TPGS2: variants seen among roughly 807,000 people sequenced by gnomAD.
TPGS2 encodes polyglutamylase subunit 2.
Under a neutral mutation model 31.1 loss-of-function variants are expected in TPGS2, and 26 were observed. The observed-to-expected ratio is 0.84, with a 90% CI of 0.61 to 1.16. The LOEUF is 1.16. TPGS2 is among the 50% of genes most tolerant of loss of function. The pLI is 0.00. For synonymous variants in TPGS2, 130 were observed against 136.6 expected (o/e 0.95, Z 0.34); for missense variants, 351 against 363.8 (o/e 0.96, Z 0.29).
At position 36,795,554 on chromosome 18, in the gene TPGS2, G is replaced by A. The variant is rs1218461021; in HGVS notation, c.*1251C>T. The A allele has an allele frequency of 1.6e-5, 16 of 985,456 alleles. No individual in the cohort carries two copies. Among genetic ancestry groups the A allele is most frequent in the Non-Finnish European group, 1.9e-5 (16 of 829,938 alleles). The allele number at this position is 985,456 out of a possible 1,614,324, so 61.0% of individuals were successfully genotyped here. On this transcript the variant is annotated 3_prime_UTR_variant, in exon 7 of 7. Coordinates refer to ENST00000334295, the MANE Select transcript of TPGS2 (RefSeq NM_015476.4). ...CTTGCTTCTGCCCACAGCCAGGACTGTAGAGGGAGGAAATAAATAGGCATT... is the reference window on the plus strand; with the variant it reads ...CTTGCTTCTGCCCACAGCCAGGACTATAGAGGGAGGAAATAAATAGGCATT...
downstream of TPGS2, chr18:36,780,073 T>C: frequency 3.6e-6 from 4 of 1,119,588 alleles, no homozygotes; most frequent in East Asian, 9.6e-5. Flanking sequence ...GAAACTTTTA[T>C]TCTTCTGGGA....
chr18:36,821,970 C>T (rs1323148808), intron 1 of TPGS2, among the ~76,000 whole-genome samples: 1 of 152,168 alleles, frequency 6.6e-6, no homozygotes, highest in Non-Finnish European at 1.5e-5. Context: ...TTCATAAAGC[C>T]TGGAAGAAGG....
At chr18:36,805,607 C>T in intron 3 of TPGS2, 105 bp from the exon 4 acceptor site, 1 of 1,459,222 alleles carries the variant, frequency 6.9e-7, no homozygotes, top group Non-Finnish European at 9.4e-7. Context: ...TTGTTTCGCC[C>T]CATGGCTGAC....
In TPGS2 at chr18:36,796,163, A is replaced by T; in HGVS notation, c.*642T>A. 3 of 985,430 alleles carry T rather than the reference A, an allele frequency of 3.0e-6. No homozygotes were observed. The highest frequency in any genetic ancestry group is 3.6e-6 in the Non-Finnish European group (3 of 829,938). 61.0% of individuals were successfully genotyped at this position (985,430 alleles called of 1,614,324 possible). A position where few individuals can be genotyped will look rare whatever the true frequency, so the allele number is the denominator to read the frequency against. On this transcript the variant is annotated 3_prime_UTR_variant, in exon 7 of 7. Transcript: ENST00000334295. Reference sequence around the variant, plus strand: ...GGATACAAAGAACATACAATTGTGTACTTGAGAGGTTTCATGGAACATTAT... The same window carrying T: ...GGATACAAAGAACATACAATTGTGTTCTTGAGAGGTTTCATGGAACATTAT...
At chr18:36,784,869 C>T (rs2044093696) in intron 6 of TPGS2, among the ~76,000 whole-genome samples, 1 of 152,104 alleles carries the variant, frequency 6.6e-6, no homozygotes, top group African/African-American at 2.4e-5. Flanking sequence ...TATCAATAGT[C>T]AGCTATGCTT....
chr18:36,824,230 T>C (rs1252892530), intron 1 of TPGS2, among the ~76,000 whole-genome samples: 1 of 152,240 alleles, frequency 6.6e-6, no homozygotes, highest in Non-Finnish European at 1.5e-5. Context: ...TTTTGTTATA[T>C]GGATATATCA....
downstream of TPGS2, among the ~76,000 whole-genome samples, chr18:36,780,412 G>A (rs2043979640): frequency 6.6e-6 from 1 of 152,154 alleles, no homozygotes; most frequent in Non-Finnish European, 1.5e-5. Flanking sequence ...GGCCTCTTAT[G>A]TCAAAATTCA....
chr18:36,794,755 T>C lies in TPGS2; in HGVS notation c.*2050A>G. ...TGAATTGTTGCACATTTATAAATCCTTGAAGTATAATAACCTAAACAACTA... is the reference window on the plus strand; with the variant it reads ...TGAATTGTTGCACATTTATAAATCCCTGAAGTATAATAACCTAAACAACTA... On this transcript the variant is annotated 3_prime_UTR_variant, in exon 7 of 7. Transcript: ENST00000334295. The C allele has an allele frequency of 1.0e-6, 1 of 984,854 alleles. No homozygotes were observed. Among genetic ancestry groups the C allele is most frequent in the Non-Finnish European group, 1.2e-6 (1 of 829,880 alleles). The allele number at this position is 984,854 out of a possible 1,614,324, so 61.0% of individuals were successfully genotyped here.
intron 6 of TPGS2, among the ~76,000 whole-genome samples, chr18:36,788,427 C>T (rs1456952659): frequency 1.3e-5 from 2 of 152,144 alleles, no homozygotes; most frequent in Non-Finnish European, 2.9e-5. Flanking sequence ...GAGATGGCCT[C>T]GTTTTCAAAA....
At chr18:36,808,556 T>C (rs1385398917) in intron 2 of TPGS2, among the ~76,000 whole-genome samples, 1 of 151,884 alleles carries the variant, frequency 6.6e-6, no homozygotes, top group Non-Finnish European at 1.5e-5. Context: ...GAGAATGGCA[T>C]GAACCTGGGA....
chr18:36,798,087 C>A, intron 6 of TPGS2: 1 of 990,906 alleles, frequency 1.0e-6, no homozygotes, highest in East Asian at 6.8e-5. Context: ...ATAGCAGCTG[C>A]CACTGGGGAT....
chr18:36,805,523 G>A (rs1470810373), intron 3 of TPGS2, 21 bp from the exon 4 acceptor site: 1 of 1,613,644 alleles, frequency 6.2e-7, no homozygotes, highest in African/African-American at 1.3e-5. Flanking sequence ...ATGCGTTAAG[G>A]AGAATTACAT....
At chr18:36,785,514 T>G (rs893352603) in intron 6 of TPGS2, among the ~76,000 whole-genome samples, 25 of 152,182 alleles carry the variant, frequency 1.6e-4, no homozygotes, top group Non-Finnish European at 8.8e-5. Flanking sequence ...ATGGATATGG[T>G]GAGAGGTTAT....
chr18:36,785,280 C>T (rs564170111), intron 6 of TPGS2, among the ~76,000 whole-genome samples: 82 of 152,140 alleles, frequency 5.4e-4, no homozygotes, highest in African/African-American at 1.8e-3. Context: ...GCCTGGGTAA[C>T]GAGTGAAACT....
intron 1 of TPGS2, 97 bp downstream of exon 1, chr18:36,828,586 C>G (rs1211042226): frequency 1.5e-6 from 2 of 1,361,998 alleles, no homozygotes; most frequent in Non-Finnish European, 1.0e-6. Context: ...CACTCCTGTT[C>G]TGGGGCCAGC....
downstream of TPGS2, chr18:36,789,526 C>G (rs531410516): frequency 1.3e-5 from 2 of 152,210 alleles, no homozygotes; most frequent in South Asian, 4.2e-4. Context: ...TACTTTGTTG[C>G]TGTTTATTCA....
In TPGS2 at chr18:36,796,810, TC is replaced by T. The variant is rs780167324; in HGVS notation, c.897del (p.Lys300SerfsTer23). 6.3e-7 allele frequency: 1 copy of T among 1,595,344 alleles called. No homozygotes were observed. The highest frequency in any genetic ancestry group is 2.2e-5 in the East Asian group (1 of 44,686). On this transcript the variant is annotated frameshift_variant, in exon 7 of 7. Coordinates refer to ENST00000334295, the MANE Select transcript of TPGS2 (RefSeq NM_015476.4). LOFTEE classifies it high-confidence loss of function. Reference sequence around the variant, plus strand: ...GGAGTTGGAGGGAGGGGTGCTCACTTCCGGGTGGGGTTTCCAGAGCCAGAGG... The same window carrying T: ...GGAGTTGGAGGGAGGGGTGCTCACTTCGGGTGGGGTTTCCAGAGCCAGAGG... Reference protein sequence around the residue: ...KSSSGSGNPTRK With the variant: ...KSSSGSGNPTXK
At chr18:36,819,596 G>C (rs1425650661) in intron 1 of TPGS2, among the ~76,000 whole-genome samples, 1 of 152,186 alleles carries the variant, frequency 6.6e-6, no homozygotes, top group Non-Finnish European at 1.5e-5. Context: ...CTCTGAGGGA[G>C]AGCAGAAGCC....
downstream of TPGS2, among the ~76,000 whole-genome samples, chr18:36,791,855 G>T (rs187213767): frequency 1.3e-5 from 2 of 152,080 alleles, no homozygotes; most frequent in Admixed American, 1.3e-4. Context: ...AACATAGGGA[G>T]ACTGCATCTC....
Sources: gnomAD v4.1 joint callset for allele counts (sites outside exome capture counted in the v4.1 genomes callset) on GRCh38, gnomAD v4.1.1 for gene constraint, MANE v1.5 for transcripts, NCBI Gene and HGNC (gene_info 2026-07-23, HGNC 2026-07-21) for gene names.